The following ONECUT2 variants were observed in gnomAD, a reference collection of about 807,000 sequenced individuals.
ONECUT2 encodes the protein one cut homeobox 2.
A neutral mutation model predicts 27.9 loss-of-function variants in ONECUT2; 10 were observed. That is an observed-to-expected ratio of 0.36 (90% confidence interval 0.22 to 0.61). ONECUT2 has a LOEUF of 0.61. Among genes scored for constraint, ONECUT2 ranks in the 20% least tolerant of loss-of-function variants. The pLI is 0.73. For synonymous variants in ONECUT2, 334 were observed against 315.1 expected (o/e 1.06, Z -0.64); for missense variants, 686 against 721.0 (o/e 0.95, Z 0.56).
rs368237468 is a variant in ONECUT2, at chr18:57,436,319, G to C, written c.603G>C (p.Glu201Asp). Reference sequence around the variant, plus strand: ...GCAGCTTCACCCTCATGCGCGACGAGCGCGGGCTCCCGGCCATGAACAACC... The same window carrying C: ...GCAGCTTCACCCTCATGCGCGACGACCGCGGGCTCCCGGCCATGAACAACC... ...VSGSFTLMRDERGLPAMNNLY... is the reference protein window; with the variant it reads ...VSGSFTLMRDDRGLPAMNNLY... Residue 201 changes from glutamate (E) to aspartate (D), a missense_variant, in exon 1 of 2, where the codon GAG (glutamate) becomes GAC (aspartate). Around this residue, in one of 4 missense-constraint regions of ONECUT2, gnomAD observed 511 missense variants for 488.1 expected, o/e 1.05. Transcript: ENST00000491143. The surrounding 1 kb of genome is among the most constrained non-coding windows in gnomAD (Gnocchi z 5.9). The C allele has an allele frequency of 9.4e-6, 15 of 1,604,228 alleles. No homozygotes were observed. The South Asian group carries it at 1.4e-4, about 15-fold the overall frequency.
At chr18:57,467,566 C>T (rs1228067383) in intron 1 of ONECUT2, among the ~76,000 whole-genome samples, 4 of 152,090 alleles carry the variant, frequency 2.6e-5, no homozygotes, top group African/African-American at 9.7e-5. Flanking sequence ...AGGGTTTCAC[C>T]ATGTTATCCA....
At position 57,436,748 on chromosome 18, in the gene ONECUT2, G is replaced by T; in HGVS notation, c.1032G>T (p.Ala344=). ...AAGAGGTGGCCCAGCGCATCACAGC[G>T]GAGCTGAAGCGCTACAGTATCCCCC... is the stretch of plus-strand genomic sequence containing the variant. ...NTKEVAQRIT[A]ELKRYSIPQA... The change falls in exon 1 of 2, where the codon GCG becomes GCT. Residue 344 remains alanine, a synonymous_variant. Transcript: ENST00000491143. This position sits in a 1 kb window ranked among gnomAD's most constrained non-coding sequence, Gnocchi z 5.9. 6.2e-7 allele frequency: 1 copy of T among 1,614,000 alleles called. No individual in the cohort carries two copies. The highest frequency in any genetic ancestry group is 8.5e-7 in the Non-Finnish European group (1 of 1,180,042).
At chr18:57,467,063 C>T (rs1483548854) in intron 1 of ONECUT2, 2 of 411,156 alleles carry the variant, frequency 4.9e-6, no homozygotes, top group South Asian at 3.7e-5. Context: ...ATAAGAAAGT[C>T]GTGAGACATC....
At position 57,477,014 on chromosome 18, in the gene ONECUT2, T is replaced by A; in HGVS notation, c.*291T>A. On this transcript the variant is annotated 3_prime_UTR_variant, in exon 2 of 2. Transcript: ENST00000491143. ...CCCAGAAACCCAAATGGGGCCTTCC[T>A]GGAGCGAGTTAATTCCAGTATGGTG... 2.5e-6 allele frequency: 1 copy of A among 406,822 alleles called. No homozygotes were observed. The highest frequency in any genetic ancestry group is 4.5e-6 in the Non-Finnish European group (1 of 224,608). 25.2% of individuals were successfully genotyped at this position (406,822 alleles called of 1,614,324 possible).
rs1360376777 is a variant in ONECUT2, at chr18:57,480,821, A to G, written c.*4098A>G. ...TAATAGAATTTAACCCAGTGAGTTT[A>G]CTCAAGGATTTTTAAATTTAAGTTA... On this transcript the variant is annotated 3_prime_UTR_variant, in exon 2 of 2. Coordinates refer to ENST00000491143, the MANE Select transcript of ONECUT2 (RefSeq NM_004852.3). 6.6e-6 allele frequency: 1 copy of G among 152,218 alleles called. No individual in the cohort carries two copies. The highest frequency in any genetic ancestry group is 1.5e-5 in the Non-Finnish European group (1 of 68,050). 9.4% of individuals were successfully genotyped at this position (152,218 alleles called of 1,614,324 possible). A position where few individuals can be genotyped will look rare whatever the true frequency, so the allele number is the denominator to read the frequency against.
At chr18:57,448,015 C>G (rs1275328608) in intron 1 of ONECUT2, among the ~76,000 whole-genome samples, 1 of 152,176 alleles carries the variant, frequency 6.6e-6, no homozygotes, top group Non-Finnish European at 1.5e-5. Flanking sequence ...TGAGAACTGA[C>G]AGTAGGCACT....
Position 57,477,602 on chromosome 18 carries a change from C to T in ONECUT2, c.*879C>T, listed in dbSNP as rs2050391088. On this transcript the variant is annotated 3_prime_UTR_variant, in exon 2 of 2. Coordinates refer to ENST00000491143, the MANE Select transcript of ONECUT2 (RefSeq NM_004852.3). ...GAATTGATGAGAATATGGCTTCAAG[C>T]ACATTTTGCAGTTTGCTACAAATTC... is the stretch of plus-strand genomic sequence containing the variant. The T allele has an allele frequency of 6.6e-6, 1 of 152,626 alleles. No individual in the cohort carries two copies. The highest frequency in any genetic ancestry group is 6.5e-5 in the Admixed American group (1 of 15,280). 9.5% of individuals were successfully genotyped at this position (152,626 alleles called of 1,614,324 possible).
At chr18:57,474,390 CACA>C (rs1272330614) in intron 1 of ONECUT2, among the ~76,000 whole-genome samples, 1 of 152,128 alleles carries the variant, frequency 6.6e-6, no homozygotes, top group Non-Finnish European at 1.5e-5. Context: ...CAGTAACAAC[CACA>C]ACAACAAAAT....
chr18:57,455,486 G>GA (rs2050254112), intron 1 of ONECUT2, among the ~76,000 whole-genome samples: 1 of 152,140 alleles, frequency 6.6e-6, no homozygotes, highest in African/African-American at 2.4e-5. Context: ...GTGTTTTCAT[G>GA]AAAAATTATA....
At chr18:57,476,083 C>T (rs1328854372) in intron 1 of ONECUT2, among the ~76,000 whole-genome samples, 1 of 152,218 alleles carries the variant, frequency 6.6e-6, no homozygotes, top group African/African-American at 2.4e-5. Flanking sequence ...AGGCTTCCCC[C>T]ACCCTGGCGT....
chr18:57,438,637 G>A (rs2050157578), intron 1 of ONECUT2, among the ~76,000 whole-genome samples: 2 of 152,194 alleles, frequency 1.3e-5, no homozygotes, highest in African/African-American at 4.8e-5. Context: ...ATTCCCAGTC[G>A]GTAATCGCCC....
At chr18:57,437,541 C>A (rs891866768) in intron 1 of ONECUT2, among the ~76,000 whole-genome samples, 8 of 152,210 alleles carry the variant, frequency 5.3e-5, no homozygotes, top group African/African-American at 1.7e-4. Flanking sequence ...GGGGAACCGG[C>A]GGCCAGGATA....
At position 57,436,205 on chromosome 18, in the gene ONECUT2, G is replaced by A. The variant is rs2050139972; in HGVS notation, c.489G>A (p.Val163=). Residue 163 remains valine (V), a synonymous_variant, in exon 1 of 2, where the codon GTG becomes GTA. Transcript: ENST00000491143. This position sits in a 1 kb window ranked among gnomAD's most constrained non-coding sequence, Gnocchi z 5.9. The part of the protein sequence containing the change: ...PLQPLPPIST[V]SDKFHHPHPH... ...AGCCGCTGCCACCCATCTCCACCGT[G>A]TCTGACAAGTTCCACCACCCTCACC... is the stretch of plus-strand genomic sequence containing the variant. 4.4e-6 allele frequency: 7 copies of A among 1,606,642 alleles called. No homozygotes were observed. The highest frequency in any genetic ancestry group is 2.7e-5 in the African/African-American group (2 of 74,804).
chr18:57,446,412 C>T (rs1222558210), intron 1 of ONECUT2, among the ~76,000 whole-genome samples: 2 of 152,118 alleles, frequency 1.3e-5, no homozygotes, highest in African/African-American at 4.8e-5. Context: ...CTGATAAGTG[C>T]TTGGATCAAG....
At position 57,477,032 on chromosome 18, in the gene ONECUT2, G is replaced by T; in HGVS notation, c.*309G>T. ...GCCTTCCTGGAGCGAGTTAATTCCA[G>T]TATGGTGTCAACCAAGCTCGGGATT... On this transcript the variant is annotated 3_prime_UTR_variant, in exon 2 of 2. Transcript: ENST00000491143. The T allele has an allele frequency of 2.8e-6, 1 of 356,432 alleles. No homozygotes were observed. The allele number at this position is 356,432 out of a possible 1,614,324, so 22.1% of individuals were successfully genotyped here.
chr18:57,454,333 T>C (rs994565025), intron 1 of ONECUT2, among the ~76,000 whole-genome samples: 1 of 152,210 alleles, frequency 6.6e-6, no homozygotes, highest in Non-Finnish European at 1.5e-5. Flanking sequence ...CAGCAGGAAA[T>C]TTGGCCTGAG....
At chr18:57,441,765 T>A (rs564724227) in intron 1 of ONECUT2, among the ~76,000 whole-genome samples, 2 of 152,354 alleles carry the variant, frequency 1.3e-5, no homozygotes, top group African/African-American at 4.8e-5. Flanking sequence ...TCGGTTCTCG[T>A]ACTAAAAAGG....
At position 57,456,998 on chromosome 18, in the gene ONECUT2, A is replaced by C. The variant is rs542122637; in HGVS notation, c.1229-19439A>C. 3.3e-3 allele frequency among the ~76,000 whole-genome samples: 502 copies of C among 152,050 alleles called. 2 individuals are homozygous for C. Among genetic ancestry groups the C allele is most frequent in the African/African-American group, 0.011 (460 of 41,494 alleles). On this transcript the variant is annotated intron_variant, in intron 1 of 1. Coordinates refer to ENST00000491143, the MANE Select transcript of ONECUT2 (RefSeq NM_004852.3). Reference sequence around the variant, plus strand: ...GGAGTGGGGTATCACCAGGTTGGTGAGGGAAAAAACAACTACTGCCATGTT... The same window carrying C: ...GGAGTGGGGTATCACCAGGTTGGTGCGGGAAAAAACAACTACTGCCATGTT...
rs1188373723 is a variant in ONECUT2, at chr18:57,482,430, C to T, written c.*5707C>T. 2.0e-5 allele frequency: 3 copies of T among 152,188 alleles called. No individual in the cohort carries two copies. Among genetic ancestry groups the T allele is most frequent in the Non-Finnish European group, 4.4e-5 (3 of 68,052 alleles). The allele number at this position is 152,188 out of a possible 1,614,324, so 9.4% of individuals were successfully genotyped here. On this transcript the variant is annotated 3_prime_UTR_variant, in exon 2 of 2. Transcript: ENST00000491143. Reference sequence around the variant, plus strand: ...TCATTATTCTCACACACCAAAATGACTCTGACAGCCTGAAGCAGTTATTGC... The same window carrying T: ...TCATTATTCTCACACACCAAAATGATTCTGACAGCCTGAAGCAGTTATTGC...
Sources: gnomAD v4.1 joint callset for allele counts (sites outside exome capture counted in the v4.1 genomes callset) on GRCh38, gnomAD v4.1.1 for gene constraint, gnomAD v4.1.1 regional missense constraint, Gnocchi (gnomAD v3.1) non-coding constraint, MANE v1.5 for transcripts, NCBI Gene and HGNC (gene_info 2026-07-23, HGNC 2026-07-21) for gene names.